TTLL7: variants seen among roughly 807,000 people sequenced by gnomAD.
TTLL7 encodes the protein tubulin tyrosine ligase like 7.
Under a neutral mutation model 120.2 loss-of-function variants are expected in TTLL7, and 53 were observed. That is an observed-to-expected ratio of 0.44 (90% CI 0.35 to 0.55). The LOEUF (loss-of-function observed/expected upper bound fraction) is 0.55. Ranked by LOEUF, TTLL7 falls within the 20% of genes least tolerant of loss-of-function variation. TTLL7 has a pLI of 0.00. For synonymous variants in TTLL7, 353 were observed against 351.7 expected (o/e 1.00, Z -0.04); for missense variants, 803 against 1,054.7 (o/e 0.76, Z 3.31).
intron 18 of TTLL7, among the ~76,000 whole-genome samples, chr1:83,892,535 C>CATAT (rs1655698034): frequency 1.5e-5 from 2 of 130,530 alleles, no homozygotes; most frequent in African/African-American, 5.9e-5. Flanking sequence ...TATATATGAA[C>CATAT]ATATGAATGA....
intron 12 of TTLL7, among the ~76,000 whole-genome samples, chr1:83,920,137 T>C (rs1658517292): frequency 6.6e-6 from 1 of 152,174 alleles, no homozygotes; most frequent in South Asian, 2.1e-4. Context: ...TAGAACTTTA[T>C]GAAGGTTTTC....
chr1:83,878,387 T>C (rs1159807928), intron 20 of TTLL7, among the ~76,000 whole-genome samples: 2 of 151,996 alleles, frequency 1.3e-5, no homozygotes, highest in African/African-American at 4.8e-5. Flanking sequence ...TCCTCTATGG[T>C]TGTAAATTTA....
chr1:83,973,122 G>A (rs184852557), intron 1 of TTLL7, among the ~76,000 whole-genome samples: 6 of 152,090 alleles, frequency 3.9e-5, no homozygotes, highest in Admixed American at 1.3e-4. Context: ...TGCCTTTGGT[G>A]TTATAGTTAA....
chr1:83,905,561 T>C (rs1657128260), intron 17 of TTLL7, among the ~76,000 whole-genome samples: 1 of 150,216 alleles, frequency 6.7e-6, no homozygotes, highest in Non-Finnish European at 1.5e-5. Context: ...ATTTATAAAA[T>C]TATATCTGTA....
intron 6 of TTLL7, among the ~76,000 whole-genome samples, chr1:83,944,301 A>G (rs937174436): frequency 9.9e-5 from 15 of 152,202 alleles, no homozygotes; most frequent in Non-Finnish European, 2.1e-4. Context: ...CACATCCAAG[A>G]AGCTCAATTA....
intron 1 of TTLL7, among the ~76,000 whole-genome samples, chr1:83,963,632 T>G (rs1351391568): frequency 1.3e-5 from 2 of 152,110 alleles, no homozygotes; most frequent in African/African-American, 4.8e-5. Context: ...TTTCCTTACA[T>G]GTTTCCTCCA....
At chr1:83,973,307 C>G (rs913436637) in intron 1 of TTLL7, among the ~76,000 whole-genome samples, 28 of 152,030 alleles carry the variant, frequency 1.8e-4, no homozygotes, top group African/African-American at 6.5e-4. Context: ...GTTGTTCCAG[C>G]ATGATTTGTT....
intron 1 of TTLL7, among the ~76,000 whole-genome samples, chr1:83,978,509 C>A (rs1436784192): frequency 6.6e-6 from 1 of 152,120 alleles, no homozygotes; most frequent in Non-Finnish European, 1.5e-5. Flanking sequence ...AAAGAATGAT[C>A]TTTGTCAAAC....
intron 10 of TTLL7, among the ~76,000 whole-genome samples, chr1:83,926,013 C>T (rs974140688): frequency 2.0e-5 from 3 of 151,046 alleles, no homozygotes; most frequent in East Asian, 2.0e-4. Flanking sequence ...CCCAGCTACT[C>T]GGGAGGCTGA....
In TTLL7 at chr1:83,999,084, T is replaced by C. The variant is rs1291245402; in HGVS notation, c.-330A>G. Reference sequence around the variant, plus strand: ...CTCTCCTCCGCCCGCCCACCGCCCGTGGCAGCCACGGCTCGGGACTCCGGT... The same window carrying C: ...CTCTCCTCCGCCCGCCCACCGCCCGCGGCAGCCACGGCTCGGGACTCCGGT... On this transcript the variant is annotated 5_prime_UTR_variant, in exon 1 of 21. Coordinates refer to ENST00000260505, the MANE Select transcript of TTLL7 (RefSeq NM_024686.6). The C allele has an allele frequency of 6.7e-6, 3 of 445,152 alleles. No individual in the cohort carries two copies. The highest frequency in any genetic ancestry group is 7.5e-5 in the East Asian group (1 of 13,282). 27.6% of individuals were successfully genotyped at this position (445,152 alleles called of 1,614,324 possible).
chr1:83,901,463 A>G (rs1656720472), intron 18 of TTLL7, among the ~76,000 whole-genome samples: 1 of 151,968 alleles, frequency 6.6e-6, no homozygotes, highest in African/African-American at 2.4e-5. Flanking sequence ...TGTATTATTA[A>G]TATCGTACTC....
chr1:83,919,651 T>C (rs751849778), intron 13 of TTLL7, 48 bp downstream of exon 13: 15 of 1,527,036 alleles, frequency 9.8e-6, no homozygotes, highest in African/African-American at 9.8e-5. Flanking sequence ...TAAAGACATA[T>C]TGTTTAGCTT....
intron 1 of TTLL7, among the ~76,000 whole-genome samples, chr1:83,976,919 T>C (rs1211694068): frequency 1.3e-5 from 2 of 152,064 alleles, no homozygotes; most frequent in Non-Finnish European, 2.9e-5. Context: ...AACCACTGAT[T>C]CTCTCTTAAC....
chr1:83,885,097 G>T, intron 19 of TTLL7: 1 of 297,046 alleles, frequency 3.4e-6, no homozygotes, highest in Non-Finnish European at 5.0e-6. Context: ...TTAAAAAGCT[G>T]GAAAAATTAA....
intron 1 of TTLL7, chr1:83,981,419 A>C (rs1280853869): frequency 6.6e-6 from 1 of 152,232 alleles, no homozygotes; most frequent in African/African-American, 2.4e-5. Flanking sequence ...GGCTACTGCA[A>C]AATTATAAAA....
chr1:83,944,689 C>A (rs1648306584), intron 6 of TTLL7, among the ~76,000 whole-genome samples: 1 of 152,188 alleles, frequency 6.6e-6, no homozygotes, highest in Admixed American at 6.5e-5. Flanking sequence ...GCCTGGGTGA[C>A]TGAGTGACAG....
intron 7 of TTLL7, 110 bp from the exon 8 acceptor site, chr1:83,938,126 T>A: frequency 1.1e-6 from 1 of 885,442 alleles, no homozygotes; most frequent in Non-Finnish European, 1.8e-6. Context: ...AAGTTTAAAC[T>A]ACATAGATGA....
At chr1:83,937,811 T>G in intron 8 of TTLL7, 41 bp downstream of exon 8, 3 of 1,604,778 alleles carry the variant, frequency 1.9e-6, no homozygotes, top group Non-Finnish European at 2.6e-6. Flanking sequence ...AAATTATTGC[T>G]GAGGAAAGAC....
intron 9 of TTLL7, among the ~76,000 whole-genome samples, chr1:83,932,466 C>T (rs1659674208): frequency 6.6e-6 from 1 of 152,064 alleles, no homozygotes; most frequent in African/African-American, 2.4e-5. Context: ...CTCTAAGACC[C>T]AGGCTGGAGC....
Sources: gnomAD v4.1 joint callset for allele counts (sites outside exome capture counted in the v4.1 genomes callset) on GRCh38, gnomAD v4.1.1 for gene constraint, MANE v1.5 for transcripts, NCBI Gene and HGNC (gene_info 2026-07-23, HGNC 2026-07-21) for gene names.